Variants in IL1RAPL1 observed in about 807,000 individuals in gnomAD.
IL1RAPL1 encodes interleukin-1 receptor accessory protein-like 1.
In IL1RAPL1, 3 loss-of-function variants were observed where a neutral mutation model predicts 48.4. The observed-to-expected ratio is 0.06, with a 90% confidence interval of 0.03 to 0.16. The LOEUF (loss-of-function observed/expected upper bound fraction) is 0.16, where lower values mean the gene tolerates loss of function less well. IL1RAPL1 is among the 10% of genes least tolerant of loss of function. IL1RAPL1 has a pLI of 1.00. For synonymous variants in IL1RAPL1, 185 were observed against 187.7 expected (o/e 0.99, Z 0.12); for missense variants, 349 against 530.6 (o/e 0.66, Z 3.36).
chrX:29,607,982 G>T (rs1420625796), intron 5 of IL1RAPL1, among the ~76,000 whole-genome samples: 1 of 112,093 alleles, frequency 8.9e-6, no homozygotes, highest in African/African-American at 3.2e-5. Context: ...ATCTATTGTC[G>T]TGTGAATATT....
In IL1RAPL1 at chrX:28,757,755, A is replaced by G. The variant is rs894413866; in HGVS notation, c.-24-31565A>G. ...GGGCTCTCATTAGCCAAGAAAACTCAACTCAACACATGTGCTCTGCTTTAT... is the reference window on the plus strand; with the variant it reads ...GGGCTCTCATTAGCCAAGAAAACTCGACTCAACACATGTGCTCTGCTTTAT... On this transcript the variant is annotated intron_variant, in intron 1 of 10. Transcript: ENST00000378993. Among the ~76,000 whole-genome samples the G allele has an allele frequency of 2.7e-5, 3 of 112,108 alleles. No homozygotes were observed. The East Asian group carries it at 8.4e-4, about 31-fold the overall frequency.
chrX:28,683,904 T>C, intron 1 of IL1RAPL1, among the ~76,000 whole-genome samples: 1 of 112,033 alleles, frequency 8.9e-6, no homozygotes, highest in Middle Eastern at 4.6e-3. Flanking sequence ...TTTTAAGGAT[T>C]CTTGTGGGCC....
intron 1 of IL1RAPL1, among the ~76,000 whole-genome samples, chrX:28,712,640 A>G (rs1935454457): frequency 9.0e-6 from 1 of 111,187 alleles, no homozygotes; most frequent in Non-Finnish European, 1.9e-5. Flanking sequence ...TTCTTTGAAT[A>G]TTAATCCAGT....
At chrX:29,311,784 C>T (rs1932728890) in intron 3 of IL1RAPL1, among the ~76,000 whole-genome samples, 1 of 111,565 alleles carries the variant, frequency 9.0e-6, no homozygotes, top group African/African-American at 3.3e-5. Context: ...ATTCCTCTTT[C>T]TACTTTGAGA....
chrX:29,602,507 T>C (rs1398539758), intron 5 of IL1RAPL1, among the ~76,000 whole-genome samples: 1 of 112,442 alleles, frequency 8.9e-6, no homozygotes, highest in Non-Finnish European at 1.9e-5. Flanking sequence ...ATGTAAATAT[T>C]GTATTGTCAC....
At chrX:29,380,788 A>G (rs1933687101) in intron 3 of IL1RAPL1, among the ~76,000 whole-genome samples, 2 of 112,050 alleles carry the variant, frequency 1.8e-5, no homozygotes, top group Non-Finnish European at 3.8e-5. Flanking sequence ...TCAAGAGGAA[A>G]TGTATAGCAA....
intron 2 of IL1RAPL1, among the ~76,000 whole-genome samples, chrX:29,139,697 C>A (rs1001710353): frequency 9.0e-6 from 1 of 111,381 alleles, no homozygotes; most frequent in Non-Finnish European, 1.9e-5. Context: ...AAATAAATAA[C>A]TTCTCTCTGG....
chrX:29,718,082 T>C (rs1440988568), intron 6 of IL1RAPL1, among the ~76,000 whole-genome samples: 2 of 112,029 alleles, frequency 1.8e-5, no homozygotes, highest in African/African-American at 6.5e-5. Flanking sequence ...ATGCAAGGTA[T>C]GGACGAATGT....
chrX:29,128,508 A>G (rs981614796), intron 2 of IL1RAPL1, among the ~76,000 whole-genome samples: 3 of 111,680 alleles, frequency 2.7e-5, no homozygotes, highest in East Asian at 2.8e-4. Flanking sequence ...GTGAAAACCC[A>G]TGGTCCTTCA....
chrX:29,127,065 C>T (rs187283931), intron 2 of IL1RAPL1, among the ~76,000 whole-genome samples: 311 of 111,584 alleles, frequency 2.8e-3, no homozygotes, highest in Non-Finnish European at 4.4e-3. Flanking sequence ...ATCCAAATGA[C>T]TCATTTTATA....
chrX:29,580,479 T>A (rs1465409223), intron 5 of IL1RAPL1, among the ~76,000 whole-genome samples: 1 of 111,698 alleles, frequency 9.0e-6, no homozygotes, highest in African/African-American at 3.2e-5. Context: ...TCTTACAGTA[T>A]TTTCCTGATC....
At chrX:29,597,944 G>A (rs1296028898) in intron 5 of IL1RAPL1, among the ~76,000 whole-genome samples, 1 of 111,712 alleles carries the variant, frequency 9.0e-6, no homozygotes, top group Non-Finnish European at 1.9e-5. Context: ...TTTGTTAATG[G>A]TCTGTCAGCT....
At chrX:28,914,347 T>C (rs1192056391) in intron 2 of IL1RAPL1, among the ~76,000 whole-genome samples, 1 of 111,457 alleles carries the variant, frequency 9.0e-6, no homozygotes, top group Admixed American at 9.6e-5. Flanking sequence ...CATCAATTAT[T>C]TGAAAAATGT....
At chrX:29,632,472 T>C (rs1302050882) in intron 5 of IL1RAPL1, among the ~76,000 whole-genome samples, 2 of 111,676 alleles carry the variant, frequency 1.8e-5, no homozygotes, top group Non-Finnish European at 3.8e-5. Flanking sequence ...AAACTATTTA[T>C]TTCACTGAAT....
intron 2 of IL1RAPL1, among the ~76,000 whole-genome samples, chrX:29,068,253 A>G (rs192859522): frequency 8.9e-6 from 1 of 112,429 alleles, no homozygotes; most frequent in African/African-American, 3.2e-5. Flanking sequence ...AGTGAGATGA[A>G]CTTTTATGCT....
rs1256953413 is a variant in IL1RAPL1, at chrX:29,129,016, G to A, written c.83-153922G>A. 5.9e-5 allele frequency among the ~76,000 whole-genome samples: 6 copies of A among 102,267 alleles called. No homozygotes were observed. In the East Asian group the frequency reaches 1.5e-3, roughly 26 times the overall value. 88.8% of individuals were successfully genotyped at this position (102,267 alleles called of 115,157 possible). ...ATAGTTTACAAAATTTTGAGAAAAC[G>A]TAGTTTTAATTTTACCTAGAATCTT... is the stretch of plus-strand genomic sequence containing the variant. On this transcript the variant is annotated intron_variant, in intron 2 of 10. Transcript: ENST00000378993.
intron 5 of IL1RAPL1, among the ~76,000 whole-genome samples, chrX:29,600,480 A>T (rs1001140975): frequency 1.8e-5 from 2 of 111,504 alleles, no homozygotes; most frequent in African/African-American, 6.5e-5. Flanking sequence ...TGTTTAGTGC[A>T]CTGGTTTTGT....
chrX:29,086,276 G>C (rs1206463183), intron 2 of IL1RAPL1, among the ~76,000 whole-genome samples: 23 of 112,225 alleles, frequency 2.0e-4, no homozygotes, highest in African/African-American at 7.1e-4. Context: ...CTCATGGACT[G>C]TGGCTGTCTT....
At chrX:29,678,883 C>T (rs1168570710) in intron 6 of IL1RAPL1, among the ~76,000 whole-genome samples, 2 of 108,616 alleles carry the variant, frequency 1.8e-5, no homozygotes, top group Non-Finnish European at 3.9e-5. Context: ...CTACAACAAG[C>T]ATGACAAAAA....
Sources: gnomAD v4.1 joint callset for allele counts (sites outside exome capture counted in the v4.1 genomes callset) on GRCh38, gnomAD v4.1.1 for gene constraint, MANE v1.5 for transcripts, NCBI Gene and HGNC (gene_info 2026-07-23, HGNC 2026-07-21) for gene names.